WWOX: variants seen among roughly 807,000 people sequenced by gnomAD.
WWOX encodes the protein WW domain containing oxidoreductase, also known as WW domain-containing oxidoreductase.
WWOX carries 69 observed loss-of-function variants against 46.2 expected under a neutral mutation model. The observed-to-expected ratio is 1.49, with a 90% CI of 1.23 to 1.82. WWOX has a LOEUF of 1.82. WWOX is among the 40% of genes most tolerant of loss of function. WWOX has a pLI of 0.00. For missense variants in WWOX, 919 were observed against 542.6 expected (o/e 1.69, Z -6.89); for synonymous variants, 359 against 202.6 (o/e 1.77, Z -6.56).
intron 8 of WWOX, among the ~76,000 whole-genome samples, chr16:78,765,870 G>A (rs1184850688): frequency 6.6e-6 from 1 of 152,202 alleles, no homozygotes; most frequent in Non-Finnish European, 1.5e-5. Context: ...CAGAGTGGGT[G>A]GCACAGGCAT....
intron 5 of WWOX, among the ~76,000 whole-genome samples, chr16:78,249,620 T>G (rs938346854): frequency 6.6e-6 from 1 of 152,194 alleles, no homozygotes; most frequent in Non-Finnish European, 1.5e-5. Context: ...ATCTGGAACT[T>G]GGGCTACCCA....
chr16:78,910,040 A>G (rs532343438), intron 8 of WWOX, among the ~76,000 whole-genome samples: 1 of 152,204 alleles, frequency 6.6e-6, no homozygotes. Context: ...GTAATTGCCC[A>G]TGCAACCCAG....
At chr16:79,149,223 C>G (rs566197407) in intron 8 of WWOX, among the ~76,000 whole-genome samples, 70 of 152,250 alleles carry the variant, frequency 4.6e-4, no homozygotes, top group Middle Eastern at 3.4e-3. Context: ...TCCTAAATTA[C>G]TAAGAAACTT....
At chr16:78,942,398 C>T (rs569834638) in intron 8 of WWOX, among the ~76,000 whole-genome samples, 7 of 152,220 alleles carry the variant, frequency 4.6e-5, no homozygotes, top group East Asian at 1.9e-4. Context: ...TTTGCACTCT[C>T]GGGAGCAGTT....
intron 6 of WWOX, 102 bp from the exon 7 acceptor site, chr16:78,424,768 T>C (rs936795819): frequency 7.0e-6 from 9 of 1,278,636 alleles, no homozygotes; most frequent in Non-Finnish European, 6.8e-6. Flanking sequence ...TTATCCTTGG[T>C]TGTAGTGTTT....
At chr16:78,849,307 A>T (rs1272142882) in intron 8 of WWOX, among the ~76,000 whole-genome samples, 1 of 152,176 alleles carries the variant, frequency 6.6e-6, no homozygotes, top group East Asian at 1.9e-4. Context: ...GCGGTGGCTC[A>T]TGCCTGTAAT....
At chr16:78,176,211 C>T (rs1018529698) in intron 5 of WWOX, among the ~76,000 whole-genome samples, 1 of 152,184 alleles carries the variant, frequency 6.6e-6, no homozygotes, top group African/African-American at 2.4e-5. Context: ...ACTCACGTCT[C>T]TCAAATTCCC....
rs2081893008 is a variant in WWOX, at chr16:78,378,987, G to C, written c.517-7873G>C. On this transcript the variant is annotated intron_variant, in intron 5 of 8. Transcript: ENST00000566780. The stretch of plus-strand genomic sequence containing the variant: ...CAGTGTGGCAGTCATGTGACGACAT[G>C]AGCATTGGAACCAGCCACATCTCAG... Among the ~76,000 whole-genome samples, 4 of 152,172 alleles carry C rather than the reference G, an allele frequency of 2.6e-5. No homozygotes were observed. In the South Asian group the frequency reaches 8.3e-4, roughly 32 times the overall value.
intron 5 of WWOX, among the ~76,000 whole-genome samples, chr16:78,328,847 GTTTTC>G (rs767848627): frequency 3.5e-5 from 3 of 86,396 alleles, no homozygotes; most frequent in African/African-American, 6.1e-5. Flanking sequence ...CTTTTCTTTT[GTTTTC>G]TTTTCTTTTC....
intron 8 of WWOX, among the ~76,000 whole-genome samples, chr16:79,001,575 A>G (rs1181619840): frequency 6.6e-6 from 1 of 152,144 alleles, no homozygotes; most frequent in African/African-American, 2.4e-5. Flanking sequence ...ATTTTAAACA[A>G]GTTTTGCCCC....
intron 8 of WWOX, among the ~76,000 whole-genome samples, chr16:78,801,911 T>G (rs1158655223): frequency 2.6e-5 from 4 of 152,214 alleles, no homozygotes; most frequent in Non-Finnish European, 5.9e-5. Context: ...TGATTTGGTG[T>G]AAATCGCTTA....
intron 5 of WWOX, among the ~76,000 whole-genome samples, chr16:78,295,189 A>G (rs1246472734): frequency 6.6e-6 from 1 of 152,208 alleles, no homozygotes; most frequent in Non-Finnish European, 1.5e-5. Flanking sequence ...AAGATGTATC[A>G]TCTACAACCC....
chr16:79,005,737 A>C (rs74959243), intron 8 of WWOX, among the ~76,000 whole-genome samples: 2 of 152,308 alleles, frequency 1.3e-5, no homozygotes, highest in East Asian at 3.9e-4. Flanking sequence ...ATCTTACCTA[A>C]GTCCATCTGC....
chr16:78,636,150 A>G (rs896888785), intron 8 of WWOX, among the ~76,000 whole-genome samples: 2 of 152,148 alleles, frequency 1.3e-5, no homozygotes, highest in African/African-American at 4.8e-5. Flanking sequence ...AGTTTAATAA[A>G]AGGTAGTATA....
intron 8 of WWOX, among the ~76,000 whole-genome samples, chr16:79,095,510 A>G (rs1173608478): frequency 2.6e-5 from 4 of 152,174 alleles, no homozygotes; most frequent in Admixed American, 6.5e-5. Flanking sequence ...ATCAGTCAGA[A>G]TGTCCTCTTC....
intron 8 of WWOX, among the ~76,000 whole-genome samples, chr16:78,700,353 A>AGT (rs1196447781): frequency 9.2e-6 from 1 of 108,338 alleles, no homozygotes; most frequent in Non-Finnish European, 1.9e-5. Context: ...AGAGAGAGAG[A>AGT]GAGAGAGACC....
intron 8 of WWOX, among the ~76,000 whole-genome samples, chr16:78,962,072 C>T (rs181128930): frequency 1.7e-4 from 26 of 152,008 alleles, no homozygotes; most frequent in African/African-American, 6.3e-4. Flanking sequence ...GTGGGTTGGG[C>T]CATAAAGGAG....
At chr16:78,719,660 G>T (rs1055310709) in intron 8 of WWOX, among the ~76,000 whole-genome samples, 1 of 152,138 alleles carries the variant, frequency 6.6e-6, no homozygotes, top group Non-Finnish European at 1.5e-5. Flanking sequence ...GTCTTACACT[G>T]GTTTAGTAAT....
intron 8 of WWOX, among the ~76,000 whole-genome samples, chr16:78,641,037 C>G (rs914111882): frequency 1.3e-5 from 2 of 151,842 alleles, no homozygotes; most frequent in Non-Finnish European, 2.9e-5. Context: ...ATTGTCCTAA[C>G]TGAGCATTAC....
Sources: gnomAD v4.1 joint callset for allele counts (sites outside exome capture counted in the v4.1 genomes callset) on GRCh38, gnomAD v4.1.1 for gene constraint, MANE v1.5 for transcripts, NCBI Gene and HGNC (gene_info 2026-07-23, HGNC 2026-07-21) for gene names.